CCDC169: variants seen among roughly 807,000 people sequenced by gnomAD.
CCDC169 encodes coiled-coil domain-containing protein 169.
CCDC169 carries 30 observed loss-of-function variants against 36.0 expected under a neutral mutation model. The observed-to-expected ratio is 0.83, with a 90% confidence interval of 0.62 to 1.13. The LOEUF (loss-of-function observed/expected upper bound fraction) is 1.13, where lower values mean the gene tolerates loss of function less well. CCDC169 is among the 50% of genes most tolerant of loss of function. The pLI is 0.00. For synonymous variants in CCDC169, 85 were observed against 81.5 expected (o/e 1.04, Z -0.23); for missense variants, 245 against 245.9 (o/e 1.00, Z 0.03).
chr13:36,296,330 G>T (rs1879480528), intron 1 of CCDC169, among the ~76,000 whole-genome samples: 1 of 152,162 alleles, frequency 6.6e-6, no homozygotes, highest in African/African-American at 2.4e-5. Context: ...CTAACCTTGT[G>T]ATCCGCCCAG....
At chr13:36,236,954 T>C (rs1871151584) in intron 7 of CCDC169, among the ~76,000 whole-genome samples, 1 of 148,392 alleles carries the variant, frequency 6.7e-6, no homozygotes, top group Non-Finnish European at 1.5e-5. Context: ...CATAATCCAG[T>C]ATACTTTAAA....
intron 1 of CCDC169, among the ~76,000 whole-genome samples, 187 bp from the exon 2 acceptor site, chr13:36,296,044 G>A (rs1369019048): frequency 5.9e-5 from 9 of 152,104 alleles, no homozygotes; most frequent in Non-Finnish European, 8.8e-5. Context: ...ACTCAAATAT[G>A]CACTAAAGCT....
At chr13:36,229,499 T>C (rs1206065523), downstream of CCDC169, among the ~76,000 whole-genome samples, 4 of 151,376 alleles carry the variant, frequency 2.6e-5, no homozygotes, top group Admixed American at 2.6e-4. Flanking sequence ...AAGGAAAAAA[T>C]GTGTTTATTT....
chr13:36,283,736 C>A, intron 2 of CCDC169, 34 bp from the exon 3 acceptor site: 1 of 1,401,238 alleles, frequency 7.1e-7, no homozygotes, highest in Non-Finnish European at 9.9e-7. Context: ...ATCAAGATCA[C>A]CCCACCACCT....
chr13:36,265,898 ACTCTAGG>A (rs1294046362), intron 4 of CCDC169, among the ~76,000 whole-genome samples: 1 of 152,056 alleles, frequency 6.6e-6, no homozygotes, highest in Non-Finnish European at 1.5e-5. Context: ...ATAGATTTCC[ACTCTAGG>A]AATCAACGTT....
chr13:36,225,130 A>G (rs1344602051), downstream of CCDC169: 1 of 152,216 alleles, frequency 6.6e-6, no homozygotes, highest in African/African-American at 2.4e-5. Flanking sequence ...CACCATATGC[A>G]AAAATTACCT....
chr13:36,230,929 A>C lies in CCDC169; in HGVS notation c.*264T>G. Reference sequence around the variant, plus strand: ...AGAGCAGATCATGGGTATATTATTGAAAGCAAGTGTAATGATGCCAGCCTT... The same window carrying C: ...AGAGCAGATCATGGGTATATTATTGCAAGCAAGTGTAATGATGCCAGCCTT... On this transcript the variant is annotated 3_prime_UTR_variant, in exon 8 of 8. Transcript: ENST00000239859. The C allele has an allele frequency of 8.6e-7, 1 of 1,157,574 alleles. No individual in the cohort carries two copies. The highest frequency in any genetic ancestry group is 1.1e-6 in the Non-Finnish European group (1 of 939,878). 71.7% of individuals were successfully genotyped at this position (1,157,574 alleles called of 1,614,324 possible). A position where few individuals can be genotyped will look rare whatever the true frequency, so the allele number is the denominator to read the frequency against.
In CCDC169 at chr13:36,295,813, G is replaced by A. The variant is rs1416481023; in HGVS notation, c.128C>T (p.Thr43Met). ...AGTATTGAGTTTGGCTTCCAGTTCC[G>A]TAATCTTGTGTCTTAGTTCAAATAT... Reference protein sequence around the residue: ...LSIFELRHKITELEAKLNTDN... With the variant: ...LSIFELRHKIMELEAKLNTDN... The change falls in exon 2 of 8, where the codon ACG becomes ATG. Residue 43 changes from threonine to methionine, a missense_variant. Coordinates refer to ENST00000239859, the MANE Select transcript of CCDC169 (RefSeq NM_001144981.3). The A allele has an allele frequency of 2.3e-5, 35 of 1,541,800 alleles. No homozygotes were observed. Among genetic ancestry groups the A allele is most frequent in the Admixed American group, 1.8e-4 (9 of 50,478 alleles).
At chr13:36,243,763 G>T (rs566844221) in intron 7 of CCDC169, among the ~76,000 whole-genome samples, 1 of 152,108 alleles carries the variant, frequency 6.6e-6, no homozygotes, top group African/African-American at 2.4e-5. Flanking sequence ...CCAAGATCGC[G>T]CCATGGCACT....
At chr13:36,264,753 C>T (rs1875059053) in intron 4 of CCDC169, among the ~76,000 whole-genome samples, 1 of 152,136 alleles carries the variant, frequency 6.6e-6, no homozygotes, top group Non-Finnish European at 1.5e-5. Context: ...ACAATTCATT[C>T]ATTTATTCAA....
At chr13:36,281,048 G>A (rs1267272974) in intron 4 of CCDC169, 2 of 310,746 alleles carry the variant, frequency 6.4e-6, no homozygotes, top group Admixed American at 4.5e-5. Context: ...GGGAGTAGAC[G>A]TGACCGGCTT....
intron 7 of CCDC169, among the ~76,000 whole-genome samples, chr13:36,243,534 C>A (rs1041939907): frequency 6.6e-6 from 1 of 151,782 alleles, no homozygotes; most frequent in East Asian, 1.9e-4. Context: ...AGGCCAGGCA[C>A]GGTGGCTCAT....
rs530454173 is a variant in CCDC169 at position 36,289,347 on chromosome 13, G to C, written c.164-5645C>G. On this transcript the variant is annotated intron_variant, in intron 2 of 7. Transcript: ENST00000239859. ...CACTGTTGTGGCCTGATGCTAAAATGTTTTATCTTAAAGGTCTAGAAAAGC... is the reference window on the plus strand; with the variant it reads ...CACTGTTGTGGCCTGATGCTAAAATCTTTTATCTTAAAGGTCTAGAAAAGC... Among the ~76,000 whole-genome samples the C allele has an allele frequency of 7.8e-4, 119 of 152,186 alleles. 1 individual carries two copies. Among genetic ancestry groups the C allele is most frequent in the African/African-American group, 2.5e-3 (104 of 41,524 alleles).
intron 7 of CCDC169, among the ~76,000 whole-genome samples, chr13:36,242,285 C>T (rs1871930972): frequency 6.6e-6 from 1 of 152,156 alleles, no homozygotes; most frequent in Admixed American, 6.5e-5. Flanking sequence ...CATCAATCTT[C>T]AAAATTTGTG....
intron 7 of CCDC169, among the ~76,000 whole-genome samples, chr13:36,247,857 A>G (rs1220760590): frequency 1.3e-5 from 2 of 152,224 alleles, no homozygotes; most frequent in African/African-American, 4.8e-5. Flanking sequence ...TTTTGAAAGA[A>G]TTTCTACTGT....
At chr13:36,289,479 T>C (rs192404294) in intron 2 of CCDC169, among the ~76,000 whole-genome samples, 269 of 152,364 alleles carry the variant, frequency 1.8e-3, no homozygotes, top group African/African-American at 6.0e-3. Flanking sequence ...AAGAACTATG[T>C]ATTCCTCTGC....
intron 2 of CCDC169, among the ~76,000 whole-genome samples, chr13:36,290,151 C>G (rs1057387572): frequency 5.3e-5 from 8 of 152,138 alleles, no homozygotes; most frequent in Admixed American, 1.3e-4. Flanking sequence ...GACAGCAAAT[C>G]TAAGTTAACC....
downstream of CCDC169, among the ~76,000 whole-genome samples, chr13:36,229,952 T>C (rs1476536265): frequency 6.6e-6 from 1 of 152,164 alleles, no homozygotes; most frequent in Non-Finnish European, 1.5e-5. Flanking sequence ...CTAATATTAA[T>C]AGTTAGCTAA....
Position 36,297,632 on chromosome 13 carries a change from C to G in CCDC169, c.83+5G>C, listed in dbSNP as rs569429394. On this transcript the variant is annotated splice_donor_5th_base_variant and intron_variant, in intron 1 of 7. Coordinates refer to ENST00000239859, the MANE Select transcript of CCDC169 (RefSeq NM_001144981.3). ...GACCCCACACCGCGCCGCCCGCCGA[C>G]TCACTTCTTGCGGACTTCTTCCAGC... 1.3e-6 allele frequency: 2 copies of G among 1,550,252 alleles called. No individual in the cohort carries two copies. Among genetic ancestry groups the G allele is most frequent in the East Asian group, 4.9e-5 (2 of 40,908 alleles).
Sources: allele counts gnomAD v4.1 joint callset (sites outside exome capture counted in the v4.1 genomes callset), GRCh38; gene constraint gnomAD v4.1.1; transcripts MANE v1.5; gene names NCBI Gene and HGNC (gene_info 2026-07-23, HGNC 2026-07-21).